The following PTPRD variants were observed in gnomAD, a reference collection of about 807,000 sequenced individuals.
PTPRD encodes the protein protein tyrosine phosphatase receptor type D.
Under a neutral mutation model 214.5 loss-of-function variants are expected in PTPRD, and 34 were observed. That is an observed-to-expected ratio of 0.16 (90% confidence interval 0.12 to 0.21). PTPRD has a LOEUF of 0.21. Ranked by LOEUF, PTPRD falls within the 10% of genes least tolerant of loss-of-function variation. PTPRD has a pLI of 1.00. For synonymous variants in PTPRD, 1,128 were observed against 845.7 expected, an observed-to-expected ratio of 1.33 and a Z score of -5.79; for missense variants, 2,545 against 2,398.7, an observed-to-expected ratio of 1.06 and a Z score of -1.27.
chr9:9,306,407 T>G (rs919152626), intron 9 of PTPRD, among the ~76,000 whole-genome samples: 1 of 151,060 alleles, frequency 6.6e-6, no homozygotes, highest in African/African-American at 2.4e-5. Context: ...CTACTAAAAA[T>G]AAAAAACTAG....
intron 10 of PTPRD, among the ~76,000 whole-genome samples, chr9:9,046,992 A>T (rs776943135): frequency 6.6e-6 from 1 of 152,176 alleles, no homozygotes; most frequent in Non-Finnish European, 1.5e-5. Flanking sequence ...TTGCTTGCAG[A>T]TGGTATGATC....
At chr9:9,141,800 A>G (rs895091660) in intron 10 of PTPRD, among the ~76,000 whole-genome samples, 2 of 150,432 alleles carry the variant, frequency 1.3e-5, no homozygotes, top group Non-Finnish European at 3.0e-5. Context: ...ATCTCTATAT[A>G]ATAGTTATTA....
At chr9:10,559,235 A>G (rs1259884448) in intron 2 of PTPRD, among the ~76,000 whole-genome samples, 1 of 152,186 alleles carries the variant, frequency 6.6e-6, no homozygotes, top group Non-Finnish European at 1.5e-5. Context: ...CATACAAATT[A>G]TAGTATTAAG....
intron 3 of PTPRD, among the ~76,000 whole-genome samples, chr9:10,312,954 C>T (rs2096308919): frequency 6.6e-6 from 1 of 151,804 alleles, no homozygotes; most frequent in Admixed American, 6.6e-5. Flanking sequence ...TAAAACAAAC[C>T]CATCCTTTAG....
Position 10,017,434 on chromosome 9 carries a change from T to C in PTPRD, c.-472+16284A>G, listed in dbSNP as rs555575070. Among the ~76,000 whole-genome samples the C allele has an allele frequency of 4.6e-4, 70 of 152,270 alleles. 1 individual carries two copies. The South Asian group carries it at 0.014, about 31-fold the overall frequency. ...TTTTATAAACAGTTCTTATTTTTAT[T>C]GGTATAAAATGTATTAATCTTTTCC... On this transcript the variant is annotated intron_variant, in intron 4 of 45. Transcript: ENST00000381196.
intron 5 of PTPRD, among the ~76,000 whole-genome samples, chr9:9,905,480 G>A (rs1322899510): frequency 1.3e-5 from 2 of 151,672 alleles, no homozygotes; most frequent in Admixed American, 1.3e-4. Context: ...CAAAAACTTG[G>A]CTCTACATAC....
intron 14 of PTPRD, among the ~76,000 whole-genome samples, chr9:8,535,667 G>C (rs1474456165): frequency 6.6e-6 from 1 of 151,800 alleles, no homozygotes; most frequent in Non-Finnish European, 1.5e-5. Context: ...AAGGCTATAT[G>C]GCTTTCTTAA....
At position 8,602,246 on chromosome 9, in the gene PTPRD, A is replaced by C. The variant is rs7467245; in HGVS notation, c.352+31071T>G. Among the ~76,000 whole-genome samples, 3,792 of 152,330 alleles carry C rather than the reference A, an allele frequency of 0.025. 289 individuals are homozygous for C. In the East Asian group the frequency reaches 0.3, roughly 12 times the overall value. On this transcript the variant is annotated intron_variant, in intron 14 of 45. Transcript: ENST00000381196. ...TAGAAAACTGTGAACATGTTTTCAC[A>C]ATTAAGGTGTTTACAATTACATCTA...
intron 11 of PTPRD, among the ~76,000 whole-genome samples, chr9:8,975,279 C>T (rs2099262166): frequency 6.6e-6 from 1 of 151,848 alleles, no homozygotes; most frequent in South Asian, 2.1e-4. Context: ...GTTATTGATT[C>T]CTAATGATAA....
chr9:9,208,149 G>T (rs1188650467), intron 9 of PTPRD, among the ~76,000 whole-genome samples: 1 of 150,292 alleles, frequency 6.7e-6, no homozygotes, highest in Non-Finnish European at 1.5e-5. Flanking sequence ...GGAGTAGCTG[G>T]GACTACGGGC....
At chr9:8,611,201 C>T (rs2095432921) in intron 14 of PTPRD, among the ~76,000 whole-genome samples, 1 of 152,134 alleles carries the variant, frequency 6.6e-6, no homozygotes, top group African/African-American at 2.4e-5. Flanking sequence ...AACCAAAAAG[C>T]TGATTGTTCA....
intron 5 of PTPRD, among the ~76,000 whole-genome samples, chr9:9,778,118 T>C (rs2098813040): frequency 6.6e-6 from 1 of 152,062 alleles, no homozygotes. Context: ...TACCATAATA[T>C]GGGCAGATGT....
chr9:9,607,486 G>C (rs1003324638), intron 7 of PTPRD, among the ~76,000 whole-genome samples: 5 of 152,072 alleles, frequency 3.3e-5, no homozygotes, highest in Non-Finnish European at 7.4e-5. Context: ...AAATAGCTAT[G>C]GTGAGGTGGG....
rs1569569160 is a variant in PTPRD, at chr9:9,545,734, TTCGCTGA to T, written c.-237+28991_-237+28997del. On this transcript the variant is annotated intron_variant, in intron 8 of 45. Transcript: ENST00000381196. ...TGTAGGTGTATTGTATATCTTGAAG[TTCGCTGA>T]TGTCAGTCCTCCAACTTTGTTCATT... Among the ~76,000 whole-genome samples, 9 of 151,822 alleles carry T rather than the reference TTCGCTGA, an allele frequency of 5.9e-5. No homozygotes were observed. In the South Asian group the frequency reaches 1.4e-3, roughly 24 times the overall value.
intron 39 of PTPRD, among the ~76,000 whole-genome samples, chr9:8,363,151 TA>T: frequency 6.6e-6 from 1 of 152,328 alleles, no homozygotes; most frequent in East Asian, 1.9e-4. Flanking sequence ...TAGCTCTTGA[TA>T]AAATTTGGAG....
chr9:9,882,644 T>G (rs2069161006), intron 5 of PTPRD, among the ~76,000 whole-genome samples: 1 of 152,194 alleles, frequency 6.6e-6, no homozygotes, highest in East Asian at 1.9e-4. Flanking sequence ...GGATAGCAAC[T>G]GTTGAATTCT....
At chr9:9,450,274 CAGATACCCAGTAGTG>C (rs1483595653) in intron 8 of PTPRD, among the ~76,000 whole-genome samples, 1 of 151,862 alleles carries the variant, frequency 6.6e-6, no homozygotes, top group East Asian at 1.9e-4. Context: ...TTCCTCTGGG[CAGATACCCAGTAGTG>C]AGATTGCTGG....
rs2060797914 is a variant in PTPRD, at chr9:9,376,332, T to A, written c.-203+21117A>T. Among the ~76,000 whole-genome samples the A allele has an allele frequency of 3.9e-5, 6 of 152,142 alleles. No individual in the cohort carries two copies. The South Asian group carries it at 1.2e-3, about 32-fold the overall frequency. ...GGTTTGAGCTGCCTCAGTTTCACCC[T>A]CCTATAAAATTTGACTTTGGCTATA... On this transcript the variant is annotated intron_variant, in intron 9 of 45. Coordinates refer to ENST00000381196, the MANE Select transcript of PTPRD (RefSeq NM_002839.4).
At chr9:10,300,356 G>C (rs111587448) in intron 3 of PTPRD, among the ~76,000 whole-genome samples, 2 of 152,224 alleles carry the variant, frequency 1.3e-5, no homozygotes, top group African/African-American at 4.8e-5. Flanking sequence ...CACTGAGCTA[G>C]CTGCAGGAGT....
Sources: gnomAD v4.1 joint callset for allele counts (sites outside exome capture counted in the v4.1 genomes callset) on GRCh38, gnomAD v4.1.1 for gene constraint, MANE v1.5 for transcripts, NCBI Gene and HGNC (gene_info 2026-07-23, HGNC 2026-07-21) for gene names.